MTMR9: variants seen among roughly 807,000 people sequenced by gnomAD.
MTMR9 encodes the protein myotubularin related protein 9.
In MTMR9, 39 loss-of-function variants were observed where a neutral mutation model predicts 69.5. The observed-to-expected ratio is 0.56, with a 90% CI of 0.43 to 0.73. The LOEUF (loss-of-function observed/expected upper bound fraction) is 0.73, where lower values mean the gene tolerates loss of function less well. MTMR9 is among the 30% of genes least tolerant of loss of function. The probability of loss-of-function intolerance (pLI) is 0.00; values close to 1 mark genes in which losing one functional copy is unlikely to be tolerated. For missense variants in MTMR9, 900 were observed against 671.2 expected (o/e 1.34, Z -3.77); for synonymous variants, 354 against 240.8 (o/e 1.47, Z -4.35).
rs761779369 is a variant in MTMR9 at position 11,324,665 on chromosome 8, T to C, written c.*1877T>C. 2.0e-5 allele frequency: 3 copies of C among 152,184 alleles called. No homozygotes were observed. The highest frequency in any genetic ancestry group is 2.9e-5 in the Non-Finnish European group (2 of 68,036). The allele number at this position is 152,184 out of a possible 1,614,324, so 9.4% of individuals were successfully genotyped here. A position where few individuals can be genotyped will look rare whatever the true frequency, so the allele number is the denominator to read the frequency against. On this transcript the variant is annotated 3_prime_UTR_variant, in exon 10 of 10. Coordinates refer to ENST00000221086, the MANE Select transcript of MTMR9 (RefSeq NM_015458.4). ...CTTTTCTTCTCAGCTAACAGGCATA[T>C]AAGGAAAACCATCTAGAGAGTTTTC...
At chr8:11,334,098 A>G in the MTMR9 span, among the ~76,000 whole-genome samples, 18 of 152,180 alleles carry the variant, frequency 1.2e-4, no homozygotes, top group Admixed American at 1.2e-3. Context: ...GGCCCTCACC[A>G]GATGCTGGCA....
At chr8:11,305,952 T>C (rs1585121330) in intron 4 of MTMR9, among the ~76,000 whole-genome samples, 1 of 152,220 alleles carries the variant, frequency 6.6e-6, no homozygotes, top group Admixed American at 6.5e-5. Context: ...AGAGGAGATA[T>C]AATTTATTAT....
intron 3 of MTMR9, among the ~76,000 whole-genome samples, chr8:11,304,012 A>C (rs1799843739): frequency 2.0e-5 from 3 of 151,988 alleles, no homozygotes; most frequent in South Asian, 2.1e-4. Flanking sequence ...GGTTAGGCCA[A>C]CTCAGATATA....
chr8:11,291,502 A>G (rs1488656635), intron 1 of MTMR9, among the ~76,000 whole-genome samples: 2 of 152,152 alleles, frequency 1.3e-5, no homozygotes, highest in African/African-American at 2.4e-5. Context: ...GATGTGAATC[A>G]TAGGAGTTTT....
rs770710726 is a variant in MTMR9, at chr8:11,285,062, C to G, written c.174C>G (p.Ile58Met). 16 of 1,604,678 alleles carry G rather than the reference C, an allele frequency of 1.0e-5. No homozygotes were observed. The highest frequency in any genetic ancestry group is 1.4e-5 in the Non-Finnish European group (16 of 1,174,760). The stretch of plus-strand genomic sequence containing the variant: ...TCCTCCATTCAAACATCGACGCCAT[C>G]GACAAGCGGTGAGTGCCCGCCCCAC... ...LWLLHSNIDAIDKRFVGSLGT... is the reference protein window; with the variant it reads ...LWLLHSNIDAMDKRFVGSLGT... The change falls in exon 1 of 10, where the codon ATC becomes ATG. Residue 58 changes from isoleucine to methionine, a missense_variant. Coordinates refer to ENST00000221086, the MANE Select transcript of MTMR9 (RefSeq NM_015458.4).
downstream of MTMR9, among the ~76,000 whole-genome samples, chr8:11,332,816 G>A (rs1027560885): frequency 2.6e-5 from 4 of 152,124 alleles, no homozygotes; most frequent in African/African-American, 9.7e-5. Context: ...TGGCCAGGCT[G>A]GTCTCAAACT....
intron 6 of MTMR9, among the ~76,000 whole-genome samples, chr8:11,314,716 C>T (rs1042540243): frequency 6.6e-6 from 1 of 152,104 alleles, no homozygotes; most frequent in Non-Finnish European, 1.5e-5. Flanking sequence ...CGTATTTTTT[C>T]CCAAGAGAAT....
chr8:11,322,826 C>T lies in MTMR9; in HGVS notation c.*38C>T. 1 of 1,577,878 alleles carries T rather than the reference C, an allele frequency of 6.3e-7. No homozygotes were observed. The highest frequency in any genetic ancestry group is 8.6e-7 in the Non-Finnish European group (1 of 1,160,020). On this transcript the variant is annotated 3_prime_UTR_variant, in exon 10 of 10. Coordinates refer to ENST00000221086, the MANE Select transcript of MTMR9 (RefSeq NM_015458.4). The stretch of plus-strand genomic sequence containing the variant: ...CACCCTTCGCAAGGACCTTCTTGGG[C>T]CTGTGTCCGCCGTTCTCTCCTTGTG...
intron 2 of MTMR9, chr8:11,299,015 TA>T (rs1308473145): frequency 8.4e-6 from 4 of 478,050 alleles, no homozygotes; most frequent in Non-Finnish European, 8.2e-6. Flanking sequence ...ATGGAATTTC[TA>T]CCTATGTAGA....
intron 6 of MTMR9, among the ~76,000 whole-genome samples, chr8:11,312,129 A>G (rs1474547737): frequency 1.3e-5 from 2 of 151,542 alleles, no homozygotes; most frequent in African/African-American, 2.4e-5. Flanking sequence ...ACCGCAGCCT[A>G]GAACTCCTGG....
chr8:11,309,735 T>G (rs1563278721), intron 6 of MTMR9, 47 bp downstream of exon 6: 1 of 1,594,828 alleles, frequency 6.3e-7, no homozygotes. Context: ...CGCTGCTAAC[T>G]AGACTTTGTG....
At chr8:11,293,158 G>C (rs1240478555) in intron 1 of MTMR9, among the ~76,000 whole-genome samples, 1 of 152,190 alleles carries the variant, frequency 6.6e-6, no homozygotes, top group African/African-American at 2.4e-5. Flanking sequence ...ATGGAAGACA[G>C]TGACATTGAT....
chr8:11,288,490 C>G (rs1210626732), intron 1 of MTMR9, among the ~76,000 whole-genome samples: 2 of 151,298 alleles, frequency 1.3e-5, no homozygotes, highest in Admixed American at 6.6e-5. Flanking sequence ...GACTACAGAC[C>G]GGAATGAAAT....
intron 9 of MTMR9, chr8:11,320,147 G>A: frequency 4.2e-6 from 1 of 235,860 alleles, no homozygotes; most frequent in Non-Finnish European, 8.2e-6. Context: ...GTTGGGACAT[G>A]AATAAATTGT....
In MTMR9 at chr8:11,316,901, C is replaced by G. The variant is rs551164289; in HGVS notation, c.1334+8C>G. On this transcript the variant is annotated splice_region_variant and intron_variant, in intron 8 of 9. Coordinates refer to ENST00000221086, the MANE Select transcript of MTMR9 (RefSeq NM_015458.4). ...CAACAATGAAAGTGAAAGGTGAGTA[C>G]ACTGCTCACATGGGGACCTTTCCTT... The G allele has an allele frequency of 7.7e-6, 12 of 1,563,090 alleles. No individual in the cohort carries two copies. The East Asian group carries it at 2.5e-4, about 32-fold the overall frequency.
intron 6 of MTMR9, among the ~76,000 whole-genome samples, chr8:11,312,715 A>G (rs1402279283): frequency 6.6e-6 from 1 of 152,238 alleles, no homozygotes; most frequent in Admixed American, 6.5e-5. Context: ...TTCTTTACAG[A>G]AAGTTTTCCA....
At chr8:11,328,687 G>T (rs1023160485), downstream of MTMR9, among the ~76,000 whole-genome samples, 4 of 152,106 alleles carry the variant, frequency 2.6e-5, no homozygotes, top group Non-Finnish European at 4.4e-5. Context: ...AATTTGTGAA[G>T]AACAGAATAT....
At chr8:11,306,640 T>C (rs1799951530) in intron 5 of MTMR9, among the ~76,000 whole-genome samples, 1 of 152,236 alleles carries the variant, frequency 6.6e-6, no homozygotes, top group Non-Finnish European at 1.5e-5. Context: ...TACATATACA[T>C]TGTGAACTGA....
chr8:11,339,193 A>G, the MTMR9 span, among the ~76,000 whole-genome samples: 1 of 152,240 alleles, frequency 6.6e-6, no homozygotes, highest in Non-Finnish European at 1.5e-5. Flanking sequence ...ATAGTGATCT[A>G]TTATAATCTT....
Sources: gnomAD v4.1 joint callset for allele counts (sites outside exome capture counted in the v4.1 genomes callset) on GRCh38, gnomAD v4.1.1 for gene constraint, MANE v1.5 for transcripts, NCBI Gene and HGNC (gene_info 2026-07-23, HGNC 2026-07-21) for gene names.